The following MCC variants were observed in gnomAD, a reference collection of about 807,000 sequenced individuals.
MCC encodes colorectal mutant cancer protein.
Under a neutral mutation model 116.2 loss-of-function variants are expected in MCC, and 90 were observed. The ratio of observed to expected loss-of-function variants is 0.77; its 90% confidence interval spans 0.65 to 0.92. The LOEUF is 0.92. Among genes scored for constraint, MCC ranks in the 40% least tolerant of loss-of-function variants. The pLI is 0.00. For synonymous variants in MCC, 578 were observed against 510.5 expected, an observed-to-expected ratio of 1.13 and a Z score of -1.78; for missense variants, 1,516 against 1,312.2, an observed-to-expected ratio of 1.16 and a Z score of -2.40.
chr5:113,280,056 G>C (rs1452914726), intron 3 of MCC, among the ~76,000 whole-genome samples: 1 of 152,206 alleles, frequency 6.6e-6, no homozygotes, highest in African/African-American at 2.4e-5. Context: ...ACTACAACTT[G>C]CTTCCATTCG....
chr5:113,481,727 G>A (rs1772383304), intron 1 of MCC, among the ~76,000 whole-genome samples: 1 of 151,498 alleles, frequency 6.6e-6, no homozygotes, highest in South Asian at 2.1e-4. Flanking sequence ...TGACAGAGTG[G>A]GACTCCATCT....
At chr5:113,174,942 T>C (rs541836809) in intron 3 of MCC, among the ~76,000 whole-genome samples, 12 of 152,214 alleles carry the variant, frequency 7.9e-5, no homozygotes, top group African/African-American at 2.6e-4. Context: ...GTGATCTCAT[T>C]TTTATGAGAA....
chr5:113,278,135 C>T (rs1289789564), intron 3 of MCC, among the ~76,000 whole-genome samples: 1 of 150,306 alleles, frequency 6.7e-6, no homozygotes, highest in African/African-American at 2.4e-5. Flanking sequence ...AAAGGAGTAG[C>T]ATTATGCAAA....
intron 6 of MCC, among the ~76,000 whole-genome samples, chr5:113,118,300 C>G (rs1398597321): frequency 6.6e-6 from 1 of 152,150 alleles, no homozygotes; most frequent in East Asian, 1.9e-4. Context: ...TTGGCTTTGT[C>G]CACTTAATTA....
chr5:113,071,311 C>T (rs1334529286), intron 11 of MCC, 77 bp from the exon 12 acceptor site: 28 of 1,508,962 alleles, frequency 1.9e-5, no homozygotes, highest in Non-Finnish European at 2.5e-5. Context: ...CATTTATATT[C>T]AGGGCAGAAA....
At chr5:113,476,224 C>T (rs1772231613) in intron 1 of MCC, among the ~76,000 whole-genome samples, 1 of 152,224 alleles carries the variant, frequency 6.6e-6, no homozygotes, top group East Asian at 1.9e-4. Context: ...ACTCAAGGGA[C>T]CAACCACAGA....
intron 1 of MCC, among the ~76,000 whole-genome samples, chr5:113,444,690 C>T (rs1027379418): frequency 2.0e-5 from 3 of 152,160 alleles, no homozygotes; most frequent in Admixed American, 1.3e-4. Flanking sequence ...GTTCCTGGCT[C>T]TGTTATTTAT....
intron 3 of MCC, among the ~76,000 whole-genome samples, chr5:113,256,871 C>A (rs1765024874): frequency 6.6e-6 from 1 of 152,122 alleles, no homozygotes; most frequent in South Asian, 2.1e-4. Flanking sequence ...GCTTACTCTG[C>A]AGAAAGTGCT....
intron 1 of MCC, among the ~76,000 whole-genome samples, chr5:113,463,834 T>C (rs1487025710): frequency 1.3e-5 from 2 of 152,106 alleles, no homozygotes; most frequent in African/African-American, 4.8e-5. Context: ...AGAGAGAATG[T>C]CTGAGGTTAA....
chr5:113,050,607 G>T (rs189017099), intron 15 of MCC, among the ~76,000 whole-genome samples: 16 of 152,362 alleles, frequency 1.1e-4, no homozygotes, highest in African/African-American at 3.8e-4. Context: ...TGAAAGGTGT[G>T]CCACGCCCAG....
chr5:113,028,625 A>AT (rs746302066), intron 18 of MCC, among the ~76,000 whole-genome samples: 7 of 152,294 alleles, frequency 4.6e-5, no homozygotes, highest in African/African-American at 1.7e-4. Flanking sequence ...GCTTAAACAG[A>AT]TTTTTTATTA....
At chr5:113,138,436 C>A (rs953145377) in intron 5 of MCC, among the ~76,000 whole-genome samples, 1 of 152,086 alleles carries the variant, frequency 6.6e-6, no homozygotes, top group Non-Finnish European at 1.5e-5. Context: ...GGACTGGTGC[C>A]CTCATATGAA....
chr5:113,191,959 A>T (rs1056820876), intron 3 of MCC, among the ~76,000 whole-genome samples: 2 of 152,208 alleles, frequency 1.3e-5, no homozygotes, highest in African/African-American at 4.8e-5. Context: ...AAGTTAGGTT[A>T]CCACCATGCA....
chr5:113,359,072 AAAT>A (rs1328342327), intron 2 of MCC, among the ~76,000 whole-genome samples: 3 of 152,232 alleles, frequency 2.0e-5, no homozygotes, highest in African/African-American at 7.2e-5. Context: ...AAGGGGCGGT[AAAT>A]AATATTATCT....
Position 113,203,942 on chromosome 5 carries a change from G to A in MCC, c.628-52520C>T, listed in dbSNP as rs1166377625. 3.3e-5 allele frequency among the ~76,000 whole-genome samples: 5 copies of A among 152,170 alleles called. No individual in the cohort carries two copies. In the East Asian group the frequency reaches 9.6e-4, roughly 29 times the overall value. On this transcript the variant is annotated intron_variant, in intron 3 of 18. Coordinates refer to ENST00000408903, the MANE Select transcript of MCC (RefSeq NM_001085377.2). ...TAACTTTGCCCATTCAGATTCTTAAGAGCAAACCAAATTTGAGGAGAGATG... is the reference window on the plus strand; with the variant it reads ...TAACTTTGCCCATTCAGATTCTTAAAAGCAAACCAAATTTGAGGAGAGATG...
At chr5:113,071,984 T>A (rs538932553) in intron 11 of MCC, among the ~76,000 whole-genome samples, 1 of 152,332 alleles carries the variant, frequency 6.6e-6, no homozygotes, top group Admixed American at 6.5e-5. Flanking sequence ...TTTTACAAGA[T>A]TCAGAACTGT....
intron 3 of MCC, among the ~76,000 whole-genome samples, chr5:113,170,815 G>C (rs1186859681): frequency 6.6e-6 from 1 of 152,084 alleles, no homozygotes; most frequent in Non-Finnish European, 1.5e-5. Context: ...CCAGAAAAGA[G>C]CCCTTGGGAA....
At chr5:113,112,932 A>G (rs186009502) in intron 6 of MCC, among the ~76,000 whole-genome samples, 23 of 152,398 alleles carry the variant, frequency 1.5e-4, no homozygotes, top group African/African-American at 5.5e-4. Context: ...TAGGGCAGAA[A>G]GCTTTCAATT....
At chr5:113,275,970 G>GTTTTTT (rs34159294) in intron 3 of MCC, among the ~76,000 whole-genome samples, 1 of 130,524 alleles carries the variant, frequency 7.7e-6, no homozygotes. Context: ...CACTTGTTTT[G>GTTTTTT]TTTTTTTTTT....
Sources: allele counts gnomAD v4.1 joint callset (sites outside exome capture counted in the v4.1 genomes callset), GRCh38; gene constraint gnomAD v4.1.1; transcripts MANE v1.5; gene names NCBI Gene and HGNC (gene_info 2026-07-23, HGNC 2026-07-21).